The following CBFA2T3 variants were observed in gnomAD, a reference collection of about 807,000 sequenced individuals.
CBFA2T3 encodes transcriptional corepressor CBFA2T3.
A neutral mutation model predicts 58.6 loss-of-function variants in CBFA2T3; 31 were observed. That is an observed-to-expected ratio of 0.53 (90% CI 0.40 to 0.71). The LOEUF is 0.71. CBFA2T3 is among the 30% of genes least tolerant of loss of function. The pLI is 0.00. For synonymous variants in CBFA2T3, 531 were observed against 421.9 expected, an observed-to-expected ratio of 1.26 and a Z score of -3.17; for missense variants, 1,076 against 963.1, an observed-to-expected ratio of 1.12 and a Z score of -1.55.
chr16:88,968,389 C>T (rs113808879), intron 1 of CBFA2T3, among the ~76,000 whole-genome samples: 8 of 152,204 alleles, frequency 5.3e-5, no homozygotes, highest in African/African-American at 1.7e-4. Context: ...GCACTGCAGA[C>T]GAGGAAGCCC....
chr16:88,970,575 G>A (rs746164728), intron 1 of CBFA2T3, among the ~76,000 whole-genome samples: 3 of 152,348 alleles, frequency 2.0e-5, no homozygotes, highest in Admixed American at 1.3e-4. Flanking sequence ...GGTGAAAGCC[G>A]GGAAGGGATT....
chr16:88,899,137 G>A (rs993056276), intron 2 of CBFA2T3, among the ~76,000 whole-genome samples: 1 of 147,488 alleles, frequency 6.8e-6, no homozygotes, highest in African/African-American at 2.5e-5. Context: ...CTGTCACTGG[G>A]CAAGAGAAAC....
rs149156131 is a variant in CBFA2T3, at chr16:88,898,130, C to T, written c.327G>A (p.Thr109=). The T allele has an allele frequency of 6.8e-5, 110 of 1,612,786 alleles. No homozygotes were observed. The highest frequency in any genetic ancestry group is 8.6e-5 in the Non-Finnish European group (102 of 1,179,614). Residue 109 remains threonine (T), a synonymous_variant, in exon 3 of 12, where the codon ACG becomes ACA. Coordinates refer to ENST00000268679, the MANE Select transcript of CBFA2T3 (RefSeq NM_005187.6). ...PHTHREDGPA[T]LPHGRFHGCL... ...AGCCATGAAAACGGCCGTGGGGCAG[C>T]GTCGCAGGCCCGTCCTCTCGATCTG... is the stretch of plus-strand genomic sequence containing the variant.
intron 1 of CBFA2T3, among the ~76,000 whole-genome samples, chr16:88,918,414 G>T (rs575278328): frequency 6.6e-6 from 1 of 152,224 alleles, no homozygotes; most frequent in African/African-American, 2.4e-5. Flanking sequence ...GCTGCCCCTG[G>T]GACCAGCTGC....
chr16:88,974,011 T>A (rs1342491003), intron 1 of CBFA2T3, among the ~76,000 whole-genome samples: 1 of 152,024 alleles, frequency 6.6e-6, no homozygotes, highest in Admixed American at 6.5e-5. Flanking sequence ...CCCTCTAAGG[T>A]GACACCAGGC....
chr16:88,925,261 G>A (rs1275962721), intron 1 of CBFA2T3, among the ~76,000 whole-genome samples: 4 of 152,208 alleles, frequency 2.6e-5, no homozygotes, highest in African/African-American at 7.2e-5. Context: ...CTTGGGCACG[G>A]TGCAGCCGCA....
intron 1 of CBFA2T3, among the ~76,000 whole-genome samples, chr16:88,928,009 C>T (rs566331061): frequency 6.6e-6 from 1 of 152,316 alleles, no homozygotes; most frequent in Non-Finnish European, 1.5e-5. Context: ...CAGGCAGCGG[C>T]TCCCGGCACC....
intron 9 of CBFA2T3, chr16:88,881,087 G>A (rs924963524): frequency 2.5e-5 from 18 of 715,934 alleles, no homozygotes; most frequent in Non-Finnish European, 3.5e-5. Flanking sequence ...TCCCAGCTCC[G>A]AGCCTCTGGC....
rs1969676753 is a variant in CBFA2T3, at chr16:88,892,430, G to C, written c.435C>G (p.Pro145=). 6 of 1,613,394 alleles carry C rather than the reference G, an allele frequency of 3.7e-6. No homozygotes were observed. Among genetic ancestry groups the C allele is most frequent in the Admixed American group, 1.7e-5 (1 of 60,006 alleles). ...TGGCCGGGCCATTGCTGAAGCCGTTGGGTGTGCACGGTGCACCATTGATGG... is the reference window on the plus strand; with the variant it reads ...TGGCCGGGCCATTGCTGAAGCCGTTCGGTGTGCACGGTGCACCATTGATGG... The part of the protein sequence containing the change: ...PTAINGAPCT[P]NGFSNGPATS... Residue 145 remains proline, a synonymous_variant, in exon 4 of 12, where the codon CCC becomes CCG. Transcript: ENST00000268679.
intron 1 of CBFA2T3, among the ~76,000 whole-genome samples, chr16:88,907,184 TC>T (rs1472875616): frequency 4.6e-5 from 7 of 152,202 alleles, no homozygotes; most frequent in Admixed American, 3.9e-4. Flanking sequence ...TTCAAACAGC[TC>T]CCGAGGCCCA....
rs1410278420 is a variant in CBFA2T3, at chr16:88,882,454, C to CGTGGCTGTGTGCGTGGGG, written c.1203+204_1203+221dup. On this transcript the variant is annotated intron_variant, in intron 8 of 11. Coordinates refer to ENST00000268679, the MANE Select transcript of CBFA2T3 (RefSeq NM_005187.6). ...GTGTGGGTGTGGCTGTGTGCGTGGG[C>CGTGGCTGTGTGCGTGGGG]GTGGCTGTGTGCGTGGGGGTGGCTG... 5.0e-5 allele frequency among the ~76,000 whole-genome samples: 7 copies of CGTGGCTGTGTGCGTGGGG among 140,386 alleles called. No individual in the cohort carries two copies. The South Asian group carries it at 6.9e-4, about 14-fold the overall frequency. The allele number at this position is 140,386 out of a possible 152,430, so 92.1% of individuals were successfully genotyped here. A position where few individuals can be genotyped will look rare whatever the true frequency, so the allele number is the denominator to read the frequency against.
In CBFA2T3 at chr16:88,885,358, G is replaced by T; in HGVS notation, c.894-89C>A. On this transcript the variant is annotated intron_variant, in intron 6 of 11. Transcript: ENST00000268679. The surrounding 1 kb of genome is among the most constrained non-coding windows in gnomAD (Gnocchi z 5.3). ...GGTGGGGTGAGAGGCAGACAGGCAA[G>T]GGCAGAGAGAAAGAGGACACGTAAG... 2.3e-6 allele frequency: 2 copies of T among 878,908 alleles called. No individual in the cohort carries two copies. Among genetic ancestry groups the T allele is most frequent in the East Asian group, 3.0e-5 (1 of 33,848 alleles). 54.4% of individuals were successfully genotyped at this position (878,908 alleles called of 1,614,324 possible). A position where few individuals can be genotyped will look rare whatever the true frequency, so the allele number is the denominator to read the frequency against.
rs1968825399 is a variant in CBFA2T3 at position 88,876,290 on chromosome 16, G to A, written c.*686C>T. On this transcript the variant is annotated 3_prime_UTR_variant, in exon 12 of 12. Transcript: ENST00000268679. ...TAAAGCCAAAGAGTTTAACATTACA[G>A]GAAAAAAAAATCTGAAACCAAAAAT... 4.4e-6 allele frequency: 1 copy of A among 227,678 alleles called. No homozygotes were observed. Among genetic ancestry groups the A allele is most frequent in the Admixed American group, 5.7e-5 (1 of 17,558 alleles). 14.1% of individuals were successfully genotyped at this position (227,678 alleles called of 1,614,324 possible).
chr16:88,897,699 C>T (rs752347988), intron 3 of CBFA2T3, among the ~76,000 whole-genome samples: 3 of 152,212 alleles, frequency 2.0e-5, no homozygotes, highest in Admixed American at 6.5e-5. Context: ...GCTGGGACTC[C>T]AGGTAGGTGG....
intron 2 of CBFA2T3, among the ~76,000 whole-genome samples, chr16:88,900,958 C>G (rs1375244795): frequency 2.6e-5 from 4 of 152,248 alleles, no homozygotes; most frequent in Non-Finnish European, 5.9e-5. Flanking sequence ...TGTGCCAAGG[C>G]CCCCACCCTG....
At chr16:88,951,579 G>A (rs1972074393) in intron 1 of CBFA2T3, 2 of 363,940 alleles carry the variant, frequency 5.5e-6, no homozygotes, top group Non-Finnish European at 1.1e-5. Context: ...CCCTCCCCTC[G>A]GGTCTGTGGC....
Position 88,976,663 on chromosome 16 carries a change from CG to C in CBFA2T3, c.144del (p.Gly49AlafsTer21). ...GCSAPRGPRK[G>X]GPAPVDRKAK... The stretch of plus-strand genomic sequence containing the variant: ...TTCCCCTCGAGCCTCTTACCTGGGC[CG>C]CCCTTCCTGGGACCCCGGGGTGCGG... On this transcript the variant is annotated frameshift_variant, in exon 1 of 12. Transcript: ENST00000268679. LOFTEE classifies it high-confidence loss of function. The C allele has an allele frequency of 1.9e-6, 3 of 1,561,264 alleles. No individual in the cohort carries two copies. Among genetic ancestry groups the C allele is most frequent in the Non-Finnish European group, 2.6e-6 (3 of 1,152,692 alleles).
chr16:88,956,593 C>T (rs546155276), intron 1 of CBFA2T3, among the ~76,000 whole-genome samples: 5 of 152,360 alleles, frequency 3.3e-5, no homozygotes, highest in South Asian at 4.1e-4. Flanking sequence ...TAGAGTCACA[C>T]AATACCGTGG....
At chr16:88,897,997 C>CAGGGCAGCAGTGTT (rs1969951987) in intron 3 of CBFA2T3, 81 bp downstream of exon 3, 5 of 1,034,286 alleles carry the variant, frequency 4.8e-6, no homozygotes, top group Non-Finnish European at 6.1e-6. Flanking sequence ...TGAGCGCCCC[C>CAGGGCAGCAGTGTT]AGGGCAGCAG....
Sources: allele counts gnomAD v4.1 joint callset (sites outside exome capture counted in the v4.1 genomes callset), GRCh38; gene constraint gnomAD v4.1.1; non-coding constraint Gnocchi (gnomAD v3.1); transcripts MANE v1.5; gene names NCBI Gene and HGNC (gene_info 2026-07-23, HGNC 2026-07-21).